Variants in LAMA2 observed in about 807,000 individuals in gnomAD.
LAMA2 encodes the protein laminin subunit alpha-2.
In LAMA2, 269 loss-of-function variants were observed where a neutral mutation model predicts 364.8. The observed-to-expected ratio is 0.74, with a 90% CI of 0.67 to 0.82. LAMA2 has a LOEUF of 0.82. Ranked by LOEUF, LAMA2 falls within the 40% of genes least tolerant of loss-of-function variation. The pLI is 0.00. For missense variants in LAMA2, 3,807 were observed against 3,873.2 expected (o/e 0.98, Z 0.45); for synonymous variants, 1,379 against 1,370.6 (o/e 1.01, Z -0.14).
chr6:129,082,917 T>A (rs1774153326), intron 3 of LAMA2, among the ~76,000 whole-genome samples: 1 of 152,142 alleles, frequency 6.6e-6, no homozygotes, highest in Non-Finnish European at 1.5e-5. Flanking sequence ...TTTCCTCATA[T>A]GTATCTTGAG....
chr6:129,218,969 A>C (rs265354), intron 12 of LAMA2, among the ~76,000 whole-genome samples: 139,188 of 152,146 alleles, frequency 0.91, 64,547 homozygotes, highest in Non-Finnish European at 0.99. Flanking sequence ...TATCACCAAG[A>C]TTTGCCAATT....
intron 28 of LAMA2, among the ~76,000 whole-genome samples, chr6:129,326,357 C>T (rs182460203): frequency 2.0e-3 from 303 of 152,190 alleles, no homozygotes; most frequent in Middle Eastern, 0.014. Context: ...GGCTGCCTGT[C>T]GGGGAAAACC....
chr6:129,314,981 T>C (rs1407112752), intron 24 of LAMA2, among the ~76,000 whole-genome samples, 183 bp downstream of exon 24: 2 of 152,218 alleles, frequency 1.3e-5, no homozygotes, highest in Non-Finnish European at 2.9e-5. Context: ...GCCTTTCTTA[T>C]TTGTTCTTAA....
chr6:129,019,956 G>T (rs977403117), intron 1 of LAMA2, among the ~76,000 whole-genome samples: 1 of 151,994 alleles, frequency 6.6e-6, no homozygotes, highest in Admixed American at 6.6e-5. Flanking sequence ...GTGGTGGCAG[G>T]CACCTGTAAT....
At chr6:129,205,493 T>TATATATATATATATATATATACACAC (rs1343472728) in intron 12 of LAMA2, among the ~76,000 whole-genome samples, 12 of 104,268 alleles carry the variant, frequency 1.2e-4, no homozygotes, top group African/African-American at 5.5e-4. Flanking sequence ...TATATATATA[T>TATATATATATATATATATATACACAC]ACACACACAC....
chr6:129,512,380 G>A lies in LAMA2; in HGVS notation c.8875G>A (p.Gly2959Arg), dbSNP rs753580084. ...TTTTACAGTTGGTGGATTCAAAGTGGGATTGGACCTTCTTGTAGAATTTGA... is the reference window on the plus strand; with the variant it reads ...TTTTACAGTTGGTGGATTCAAAGTGAGATTGGACCTTCTTGTAGAATTTGA... ...FAKAVGGFKV[G>R]LDLLVEFEFR... Residue 2959 changes from glycine to arginine, a missense_variant, in exon 63 of 65, where the codon GGA (glycine) becomes AGA (arginine). Around this residue, in one of 3 missense-constraint regions of LAMA2, gnomAD observed 3,333 missense variants for 3,345.7 expected, o/e 1.00. Transcript: ENST00000421865. 1 of 1,613,592 alleles carries A rather than the reference G, an allele frequency of 6.2e-7. No homozygotes were observed. The highest frequency in any genetic ancestry group is 8.5e-7 in the Non-Finnish European group (1 of 1,179,610).
At chr6:129,373,117 G>A (rs1778180651) in intron 34 of LAMA2, among the ~76,000 whole-genome samples, 1 of 152,150 alleles carries the variant, frequency 6.6e-6, no homozygotes, top group African/African-American at 2.4e-5. Flanking sequence ...GTCTTTCACA[G>A]AGCAGAAGTT....
At chr6:128,921,798 C>T (rs934431921) in intron 1 of LAMA2, among the ~76,000 whole-genome samples, 3 of 150,902 alleles carry the variant, frequency 2.0e-5, no homozygotes, top group Non-Finnish European at 4.4e-5. Flanking sequence ...TGCTTGTGCG[C>T]TGCACCCACT....
At chr6:129,155,568 T>C (rs956465664) in intron 8 of LAMA2, among the ~76,000 whole-genome samples, 25 of 152,130 alleles carry the variant, frequency 1.6e-4, no homozygotes, top group African/African-American at 5.6e-4. Flanking sequence ...TTTTAACTTA[T>C]AGAGCTATTA....
intron 45 of LAMA2, 108 bp downstream of exon 45, chr6:129,445,929 T>C: frequency 8.9e-7 from 1 of 1,120,976 alleles, no homozygotes; most frequent in Non-Finnish European, 1.3e-6. Flanking sequence ...TGGGTCCTTT[T>C]CCTTTAACTC....
At chr6:129,495,125 G>A (rs1455088066) in intron 58 of LAMA2, among the ~76,000 whole-genome samples, 1 of 152,170 alleles carries the variant, frequency 6.6e-6, no homozygotes. Flanking sequence ...AGATTTTCCA[G>A]TGTTATGACA....
chr6:129,300,185 A>G (rs1225455045), intron 21 of LAMA2, among the ~76,000 whole-genome samples: 1 of 152,218 alleles, frequency 6.6e-6, no homozygotes, highest in Non-Finnish European at 1.5e-5. Flanking sequence ...GTATCTTTAT[A>G]TATAAACAGT....
At chr6:129,048,476 CTTTCT>C (rs1233886529) in intron 1 of LAMA2, among the ~76,000 whole-genome samples, 4 of 63,192 alleles carry the variant, frequency 6.3e-5, no homozygotes, top group African/African-American at 2.2e-4. Flanking sequence ...TTCTTTCTTT[CTTTCT>C]TTCTTTCTTT....
intron 1 of LAMA2, among the ~76,000 whole-genome samples, chr6:129,024,458 A>G (rs1445252646): frequency 1.4e-5 from 2 of 146,988 alleles, no homozygotes; most frequent in Non-Finnish European, 3.0e-5. Context: ...ATCTCAGCTC[A>G]CTGCAACCTC....
intron 63 of LAMA2, among the ~76,000 whole-genome samples, chr6:129,513,163 C>T (rs749959185): frequency 6.6e-6 from 1 of 152,168 alleles, no homozygotes; most frequent in African/African-American, 2.4e-5. Flanking sequence ...TACTTCAACT[C>T]AGTTCACGTT....
chr6:129,071,820 T>C lies in LAMA2; in HGVS notation c.396+11924T>C, dbSNP rs904337240. Among the ~76,000 whole-genome samples, 4 of 152,266 alleles carry C rather than the reference T, an allele frequency of 2.6e-5. No individual in the cohort carries two copies. The South Asian group carries it at 6.2e-4, about 24-fold the overall frequency. ...TTTTGAGACTTGTTTTTATCCAACATATGGCAGTGACTTGAAAACAATGTG... is the reference window on the plus strand; with the variant it reads ...TTTTGAGACTTGTTTTTATCCAACACATGGCAGTGACTTGAAAACAATGTG... On this transcript the variant is annotated intron_variant, in intron 3 of 64. Transcript: ENST00000421865.
chr6:129,412,360 C>T (rs1562540329), intron 40 of LAMA2, among the ~76,000 whole-genome samples: 1 of 152,096 alleles, frequency 6.6e-6, no homozygotes, highest in South Asian at 2.1e-4. Flanking sequence ...CTGACTGAAA[C>T]GTTAATCACA....
chr6:129,258,104 G>A (rs540747787), intron 14 of LAMA2, among the ~76,000 whole-genome samples: 1 of 152,122 alleles, frequency 6.6e-6, no homozygotes, highest in Non-Finnish European at 1.5e-5. Flanking sequence ...GTATGGAGAT[G>A]ATCATCCTGC....
At chr6:129,126,611 A>G (rs1026191367) in intron 4 of LAMA2, among the ~76,000 whole-genome samples, 3 of 152,204 alleles carry the variant, frequency 2.0e-5, no homozygotes, top group East Asian at 1.9e-4. Flanking sequence ...TACAAATACA[A>G]AGAAAGCCAG....
Sources: allele counts gnomAD v4.1 joint callset (sites outside exome capture counted in the v4.1 genomes callset), GRCh38; gene constraint gnomAD v4.1.1; regional missense constraint gnomAD v4.1.1; transcripts MANE v1.5; gene names NCBI Gene and HGNC (gene_info 2026-07-23, HGNC 2026-07-21).